Variants in KASH5 observed in about 807,000 individuals in gnomAD.
KASH5 encodes the protein protein KASH5.
In KASH5, 72 loss-of-function variants were observed where a neutral mutation model predicts 84.2. That is an observed-to-expected ratio of 0.85 (90% CI 0.71 to 1.04). The LOEUF (loss-of-function observed/expected upper bound fraction) is 1.04, where lower values mean the gene tolerates loss of function less well. Ranked by LOEUF, KASH5 falls within the 50% of genes least tolerant of loss-of-function variation. KASH5 has a pLI of 0.00. For missense variants in KASH5, 650 were observed against 701.0 expected, an observed-to-expected ratio of 0.93 and a Z score of 0.82; for synonymous variants, 260 against 279.1, an observed-to-expected ratio of 0.93 and a Z score of 0.68.
intron 9 of KASH5, among the ~76,000 whole-genome samples, chr19:49,401,618 T>C (rs925798727): frequency 2.6e-5 from 4 of 152,162 alleles, no homozygotes; most frequent in Admixed American, 6.5e-5. Context: ...TCTCCATCCA[T>C]ACCCTCCACC....
rs183293969 is a variant in KASH5 at position 49,410,188 on chromosome 19, C to T, written c.1269+313C>T. Among the ~76,000 whole-genome samples the T allele has an allele frequency of 9.1e-4, 138 of 152,308 alleles. 1 individual carries two copies. The highest frequency in any genetic ancestry group is 3.2e-3 in the African/African-American group (133 of 41,568). On this transcript the variant is annotated intron_variant, in intron 15 of 19. Transcript: ENST00000447857. ...AATTACATTATTTAAAATCGTACTA[C>T]TGTAGGAAGGGAATAAGTAAGTTGT...
intron 11 of KASH5, 80 bp from the exon 12 acceptor site, chr19:49,407,532 C>T (rs1464485676): frequency 4.8e-6 from 7 of 1,458,592 alleles, no homozygotes; most frequent in Non-Finnish European, 6.6e-6. Flanking sequence ...CTTAACCCCC[C>T]AGCCAGTCCC....
chr19:49,407,489 T>G, intron 11 of KASH5, 123 bp from the exon 12 acceptor site: 1 of 1,181,528 alleles, frequency 8.5e-7, no homozygotes, highest in South Asian at 1.3e-5. Context: ...CTCTCCCTTG[T>G]GCCCCAGCTC....
intron 16 of KASH5, among the ~76,000 whole-genome samples, chr19:49,413,344 G>A (rs982161697): frequency 1.3e-5 from 2 of 152,206 alleles, no homozygotes; most frequent in Non-Finnish European, 2.9e-5. Context: ...AGTCAGGCTG[G>A]TGTAAGCATT....
chr19:49,399,241 C>A lies in KASH5; in HGVS notation c.747+99C>A. 2 of 1,094,290 alleles carry A rather than the reference C, an allele frequency of 1.8e-6. No individual in the cohort carries two copies. The highest frequency in any genetic ancestry group is 1.6e-5 in the South Asian group (1 of 62,862). The allele number at this position is 1,094,290 out of a possible 1,614,324, so 67.8% of individuals were successfully genotyped here. ...CTATGGAGTAGGAAGGGGCAGAGGT[C>A]ACCTGGCTTTCTCCCTCTCTCCAGG... On this transcript the variant is annotated intron_variant, in intron 8 of 19. Coordinates refer to ENST00000447857, the MANE Select transcript of KASH5 (RefSeq NM_144688.5). The surrounding 1 kb of genome is among the most constrained non-coding windows in gnomAD (Gnocchi z 4.4).
Position 49,399,014 on chromosome 19 carries a change from C to T in KASH5, c.630-11C>T, listed in dbSNP as rs1248723215. On this transcript the variant is annotated splice_polypyrimidine_tract_variant and intron_variant, in intron 7 of 19. Transcript: ENST00000447857. This position sits in a 1 kb window ranked among gnomAD's most constrained non-coding sequence, Gnocchi z 4.4. The stretch of plus-strand genomic sequence containing the variant: ...CTCTCGTATGGCTCATCTGCCCCCA[C>T]CCGCATTCAGCACCCAGCAGGCCCT... 2 of 1,549,086 alleles carry T rather than the reference C, an allele frequency of 1.3e-6. No individual in the cohort carries two copies. Among genetic ancestry groups the T allele is most frequent in the East Asian group, 2.4e-5 (1 of 40,902 alleles).
intron 1 of KASH5, chr19:49,389,932 C>T (rs1183215541): frequency 6.5e-6 from 1 of 153,138 alleles, no homozygotes. Flanking sequence ...AGTTGGAACC[C>T]AGGGGAGCAG....
chr19:49,390,960 G>T (rs7256984), intron 2 of KASH5, 34 bp downstream of exon 2: 800,917 of 1,599,042 alleles, frequency 0.5, 202,629 homozygotes, highest in South Asian at 0.62. Context: ...CCCCGGGGAG[G>T]GTGAGGAGGG....
chr19:49,411,520 A>G (rs753839769), intron 15 of KASH5, among the ~76,000 whole-genome samples: 20 of 152,180 alleles, frequency 1.3e-4, no homozygotes, highest in Non-Finnish European at 5.9e-5. Flanking sequence ...TCACATGCCA[A>G]TGGTCACACA....
chr19:49,395,563 C>A lies in KASH5; in HGVS notation c.336-206C>A. The A allele has an allele frequency of 1.6e-6, 1 of 633,810 alleles. No individual in the cohort carries two copies. Among genetic ancestry groups the A allele is most frequent in the East Asian group, 2.7e-5 (1 of 36,444 alleles). The allele number at this position is 633,810 out of a possible 1,614,324, so 39.3% of individuals were successfully genotyped here. The stretch of plus-strand genomic sequence containing the variant: ...GTTTGGGGCTGACAGAGGTCCCTCC[C>A]CAACCCTTCACCAAACCCACTCCTT... On this transcript the variant is annotated intron_variant, in intron 4 of 19. Coordinates refer to ENST00000447857, the MANE Select transcript of KASH5 (RefSeq NM_144688.5). This position sits in a 1 kb window ranked among gnomAD's most constrained non-coding sequence, Gnocchi z 4.4.
rs1300038874 is a variant in KASH5 at position 49,416,818 on chromosome 19, G to A, written c.1375-197G>A. Among the ~76,000 whole-genome samples the A allele has an allele frequency of 7.1e-6, 1 of 141,552 alleles. No homozygotes were observed. Among genetic ancestry groups the A allele is most frequent in the East Asian group, 1.9e-4 (1 of 5,174 alleles). 92.9% of individuals were successfully genotyped at this position (141,552 alleles called of 152,430 possible). ...CCAGCAGATGGGGAAAGAGCGGCAC[G>A]GAGAGGTGTGGTGACATGCCAAGGA... is the stretch of plus-strand genomic sequence containing the variant. On this transcript the variant is annotated intron_variant, in intron 17 of 19. Coordinates refer to ENST00000447857, the MANE Select transcript of KASH5 (RefSeq NM_144688.5). This position sits in a 1 kb window ranked among gnomAD's most constrained non-coding sequence, Gnocchi z 5.4.
chr19:49,399,201 G>T lies in KASH5; in HGVS notation c.747+59G>T. 7.0e-7 allele frequency: 1 copy of T among 1,427,070 alleles called. No homozygotes were observed. Among genetic ancestry groups the T allele is most frequent in the South Asian group, 1.3e-5 (1 of 77,300 alleles). 88.4% of individuals were successfully genotyped at this position (1,427,070 alleles called of 1,614,324 possible). On this transcript the variant is annotated intron_variant, in intron 8 of 19. Transcript: ENST00000447857. This position sits in a 1 kb window ranked among gnomAD's most constrained non-coding sequence, Gnocchi z 4.4. ...TCTCTTCTTTGTTTCCTGGAGTCAGGGCGGCAGAGTGTGACTATGGAGTAG... is the reference window on the plus strand; with the variant it reads ...TCTCTTCTTTGTTTCCTGGAGTCAGTGCGGCAGAGTGTGACTATGGAGTAG...
At chr19:49,408,609 C>T (rs1009186131) in intron 12 of KASH5, among the ~76,000 whole-genome samples, 4 of 152,008 alleles carry the variant, frequency 2.6e-5, no homozygotes, top group African/African-American at 7.3e-5. Context: ...CCACCATGCC[C>T]GGCTAATTTT....
chr19:49,390,843 T>C lies in KASH5; in HGVS notation c.-41T>C. The C allele has an allele frequency of 6.3e-7, 1 of 1,576,530 alleles. No homozygotes were observed. The highest frequency in any genetic ancestry group is 8.6e-7 in the Non-Finnish European group (1 of 1,164,240). Reference sequence around the variant, plus strand: ...ATCCCTCCCCATGAAGGAGGGAGGCTGGTAGCTTTGCCAGCAGCTGCGCCG... The same window carrying C: ...ATCCCTCCCCATGAAGGAGGGAGGCCGGTAGCTTTGCCAGCAGCTGCGCCG... On this transcript the variant is annotated 5_prime_UTR_variant, in exon 2 of 20. Transcript: ENST00000447857.
intron 12 of KASH5, 89 bp downstream of exon 12, chr19:49,407,760 C>T: frequency 7.6e-7 from 1 of 1,307,382 alleles, no homozygotes; most frequent in Non-Finnish European, 1.1e-6. Flanking sequence ...CCTCGTGCCT[C>T]TTTGTCAGTG....
chr19:49,409,081 CA>C, intron 13 of KASH5, 50 bp downstream of exon 13: 4 of 1,578,420 alleles, frequency 2.5e-6, no homozygotes, highest in Non-Finnish European at 1.7e-6. Context: ...AGCCTAAGGG[CA>C]GGGACACCCT....
intron 2 of KASH5, 38 bp from the exon 3 acceptor site, chr19:49,394,438 T>G (rs1299245589): frequency 1.3e-6 from 2 of 1,543,856 alleles, no homozygotes; most frequent in African/African-American, 2.7e-5. Flanking sequence ...CCTTCCTTAT[T>G]CTTCCCACTG....
At chr19:49,407,440 T>C (rs1974563628) in intron 11 of KASH5, 144 bp downstream of exon 11, 1 of 1,116,780 alleles carries the variant, frequency 9.0e-7, no homozygotes, top group Non-Finnish European at 1.3e-6. Context: ...AGGTCCCAAG[T>C]GTGACCCCTC....
intron 2 of KASH5, among the ~76,000 whole-genome samples, chr19:49,392,927 A>G (rs1430251655): frequency 6.7e-6 from 1 of 149,122 alleles, no homozygotes; most frequent in Non-Finnish European, 1.5e-5. Flanking sequence ...AAAAAAAAAC[A>G]GTGAGAGGAG....
Sources: gnomAD v4.1 joint callset for allele counts (sites outside exome capture counted in the v4.1 genomes callset) on GRCh38, gnomAD v4.1.1 for gene constraint, Gnocchi (gnomAD v3.1) non-coding constraint, MANE v1.5 for transcripts, NCBI Gene and HGNC (gene_info 2026-07-23, HGNC 2026-07-21) for gene names.